CLN8: variants seen among roughly 807,000 people sequenced by gnomAD.
CLN8 encodes the protein protein CLN8.
Under a neutral mutation model 15.7 loss-of-function variants are expected in CLN8, and 14 were observed. The observed-to-expected ratio is 0.89, with a 90% confidence interval of 0.59 to 1.39. The LOEUF is 1.39. CLN8 is among the 40% of genes most tolerant of loss of function. CLN8 has a pLI of 0.00. For synonymous variants in CLN8, 188 were observed against 151.0 expected (o/e 1.25, Z -1.80); for missense variants, 415 against 364.0 (o/e 1.14, Z -1.14).
At chr8:1,775,155 T>A (rs557345351) in intron 2 of CLN8, among the ~76,000 whole-genome samples, 1 of 152,242 alleles carries the variant, frequency 6.6e-6, no homozygotes, top group East Asian at 1.9e-4. Context: ...ATAAAAAATA[T>A]AACAAATAAA....
Position 1,780,447 on chromosome 8 carries a change from A to G in CLN8, c.741A>G (p.Pro247=), listed in dbSNP as rs1470652667. ...GLALLTLIIN[P]YWTHKKTQQL... Reference sequence around the variant, plus strand: ...CTCTGCTTACGCTAATCATTAATCCATATTGGACCCATAAGAAGACTCAGC... The same window carrying G: ...CTCTGCTTACGCTAATCATTAATCCGTATTGGACCCATAAGAAGACTCAGC... The change falls in exon 3 of 3, where the codon CCA becomes CCG. Residue 247 remains proline, a synonymous_variant. Coordinates refer to ENST00000331222, the MANE Select transcript of CLN8 (RefSeq NM_018941.4). 2.5e-6 allele frequency: 4 copies of G among 1,614,098 alleles called. No homozygotes were observed. The highest frequency in any genetic ancestry group is 2.2e-5 in the East Asian group (1 of 44,890).
rs1296254904 is a variant in CLN8 at position 1,757,709 on chromosome 8, G to A, written c.-124+1627G>A. 3.3e-5 allele frequency among the ~76,000 whole-genome samples: 5 copies of A among 152,316 alleles called. No individual in the cohort carries two copies. The Middle Eastern group carries it at 0.01, about 311-fold the overall frequency. On this transcript the variant is annotated intron_variant, in intron 1 of 1. Coordinates refer to the CLN8 transcript ENST00000524258. ...GGCCTCCCAGAGTGCTGGGATTATA[G>A]GCACGAGCCACCATGCTTGGGCACT...
intron 2 of CLN8, chr8:1,773,003 G>A (rs1207113287): frequency 2.0e-5 from 8 of 398,438 alleles, no homozygotes; most frequent in Non-Finnish European, 3.5e-5. Flanking sequence ...GATGATATCA[G>A]TCCATCAAAA....
In CLN8 at chr8:1,777,335, G is replaced by C. The variant is rs180892321; in HGVS notation, c.544-2915G>C. Among the ~76,000 whole-genome samples the C allele has an allele frequency of 1.7e-3, 254 of 152,314 alleles. 3 individuals are homozygous for C. The highest frequency in any genetic ancestry group is 2.5e-3 in the Non-Finnish European group (172 of 68,018). ...CTTGCAGGACTGGAAGCTGCTCTGC[G>C]AGAGTCACAATGAGTGGTGAGTGTG... On this transcript the variant is annotated intron_variant, in intron 2 of 2. Coordinates refer to ENST00000331222, the MANE Select transcript of CLN8 (RefSeq NM_018941.4).
chr8:1,777,364 G>T (rs1801561094), intron 2 of CLN8, among the ~76,000 whole-genome samples: 1 of 152,266 alleles, frequency 6.6e-6, no homozygotes, highest in South Asian at 2.1e-4. Context: ...GAGTGTGAGG[G>T]CCTAGAACGT....
chr8:1,781,565 T>C lies in CLN8; in HGVS notation c.*998T>C, dbSNP rs1447498082. The C allele has an allele frequency of 6.6e-6, 1 of 151,772 alleles. No homozygotes were observed. Among genetic ancestry groups the C allele is most frequent in the Non-Finnish European group, 1.5e-5 (1 of 67,978 alleles). The allele number at this position is 151,772 out of a possible 1,614,324, so 9.4% of individuals were successfully genotyped here. On this transcript the variant is annotated 3_prime_UTR_variant, in exon 3 of 3. Transcript: ENST00000331222. ...TTTTTTTTTTAAATCATGGTACCTG[T>C]TTTAAAATGAGAAGTTATTATTCAT...
chr8:1,777,750 C>T (rs1393137148), intron 2 of CLN8, among the ~76,000 whole-genome samples: 4 of 152,204 alleles, frequency 2.6e-5, no homozygotes, highest in Non-Finnish European at 5.9e-5. Flanking sequence ...GGGGCAGTAA[C>T]AGACATGGGG....
chr8:1,786,284 C>A lies in CLN8; in HGVS notation c.*5717C>A, dbSNP rs1801829678. The A allele has an allele frequency of 6.6e-6, 1 of 152,262 alleles. No individual in the cohort carries two copies. Among genetic ancestry groups the A allele is most frequent in the Non-Finnish European group, 1.5e-5 (1 of 68,082 alleles). 9.4% of individuals were successfully genotyped at this position (152,262 alleles called of 1,614,324 possible). A position where few individuals can be genotyped will look rare whatever the true frequency, so the allele number is the denominator to read the frequency against. ...CCAGCCTTGTCACAGATGCATCGCC[C>A]ACCCTGCGGTCCTGATTTCAGCTCA... On this transcript the variant is annotated 3_prime_UTR_variant, in exon 3 of 3. Transcript: ENST00000331222.
chr8:1,779,882 T>C (rs1585150878), intron 2 of CLN8: 1 of 927,640 alleles, frequency 1.1e-6, no homozygotes, highest in African/African-American at 1.8e-5. Context: ...GTGTCTGGTT[T>C]TGCCAAATAA....
intron 1 of CLN8, 48 bp from the exon 2 acceptor site, chr8:1,770,884 G>A (rs1306745967): frequency 3.0e-6 from 2 of 660,770 alleles, no homozygotes; most frequent in South Asian, 3.4e-5. Context: ...GTAGTGATGT[G>A]TCCTTGTTTC....
At position 1,785,267 on chromosome 8, in the gene CLN8, C is replaced by T. The variant is rs143200025; in HGVS notation, c.*4700C>T. 7.6e-3 allele frequency: 1,391 copies of T among 183,290 alleles called. 13 individuals are homozygous for T. Among genetic ancestry groups the T allele is most frequent in the African/African-American group, 0.029 (1,240 of 42,136 alleles). The allele number at this position is 183,290 out of a possible 1,614,324, so 11.4% of individuals were successfully genotyped here. ...CTCTGTCCTACGGTGACACAGGCGG[C>T]GTGGGGTTAGACAGGTACCGGTCAG... On this transcript the variant is annotated 3_prime_UTR_variant, in exon 3 of 3. Coordinates refer to ENST00000331222, the MANE Select transcript of CLN8 (RefSeq NM_018941.4).
upstream of CLN8, among the ~76,000 whole-genome samples, chr8:1,753,781 G>A (rs1800605942): frequency 6.6e-6 from 1 of 151,280 alleles, no homozygotes. Flanking sequence ...AGCTACATGG[G>A]AGGCTGAGGC....
chr8:1,768,679 A>G (rs1801178032), intron 1 of CLN8, among the ~76,000 whole-genome samples: 1 of 152,166 alleles, frequency 6.6e-6, no homozygotes, highest in South Asian at 2.1e-4. Flanking sequence ...CTTTCCACCC[A>G]GCCTGCTTTT....
At chr8:1,764,357 C>CAGGAGGAGGCGG (rs1554447065) in intron 1 of CLN8, 1 of 151,472 alleles carries the variant, frequency 6.6e-6, no homozygotes, top group Non-Finnish European at 1.5e-5. Flanking sequence ...AGGGAGGGGA[C>CAGGAGGAGGCGG]AGGCGGAGGC....
rs758353313 is a variant in CLN8, at chr8:1,783,781, C to T, written c.*3214C>T. ...CCGGACAACTTGAATGAAATGGGCA[C>T]TGTTGATTCCACTTCTGTCGAGGAG... On this transcript the variant is annotated 3_prime_UTR_variant, in exon 3 of 3. Coordinates refer to ENST00000331222, the MANE Select transcript of CLN8 (RefSeq NM_018941.4). The T allele has an allele frequency of 6.6e-6, 1 of 152,222 alleles. No homozygotes were observed. Among genetic ancestry groups the T allele is most frequent in the Non-Finnish European group, 1.5e-5 (1 of 68,066 alleles). 9.4% of individuals were successfully genotyped at this position (152,222 alleles called of 1,614,324 possible).
chr8:1,776,677 C>G (rs1256293076), intron 2 of CLN8, among the ~76,000 whole-genome samples: 3 of 152,224 alleles, frequency 2.0e-5, no homozygotes, highest in Non-Finnish European at 4.4e-5. Context: ...GCTTGAGTGT[C>G]TTCAGTTTGA....
Position 1,756,021 on chromosome 8 carries a change from T to C in CLN8, c.-185T>C, listed in dbSNP as rs528160730. 7.9e-5 allele frequency: 12 copies of C among 152,342 alleles called. No individual in the cohort carries two copies. The East Asian group carries it at 1.9e-3, about 24-fold the overall frequency. 9.4% of individuals were successfully genotyped at this position (152,342 alleles called of 1,614,324 possible). ...CAGCTGATCCCAAGTTTCACATCCT[T>C]GTCTGTGAAGCTAAACTCAATGCTG... On this transcript the variant is annotated 5_prime_UTR_variant, in exon 1 of 2. Transcript: ENST00000524258.
chr8:1,774,465 T>C (rs965451073), intron 2 of CLN8, among the ~76,000 whole-genome samples: 6 of 152,240 alleles, frequency 3.9e-5, no homozygotes, highest in Non-Finnish European at 5.9e-5. Context: ...TCTTTGAAAT[T>C]CTTTTAAAGC....
intron 1 of CLN8, among the ~76,000 whole-genome samples, chr8:1,769,512 A>T (rs984461778): frequency 2.0e-5 from 3 of 152,152 alleles, no homozygotes; most frequent in African/African-American, 7.2e-5. Flanking sequence ...GTGAGTGACA[A>T]GAGTCCCCAC....
Sources: allele counts gnomAD v4.1 joint callset (sites outside exome capture counted in the v4.1 genomes callset), GRCh38; gene constraint gnomAD v4.1.1; transcripts MANE v1.5; gene names NCBI Gene and HGNC (gene_info 2026-07-23, HGNC 2026-07-21).